Variants in TACR3 observed in about 807,000 individuals in gnomAD.
TACR3 encodes tachykinin receptor 3, also known as neuromedin-K receptor.
Under a neutral mutation model 35.0 loss-of-function variants are expected in TACR3, and 34 were observed. That is an observed-to-expected ratio of 0.97 (90% CI 0.74 to 1.30). TACR3 has a LOEUF of 1.30. TACR3 is among the 50% of genes most tolerant of loss of function. TACR3 has a pLI of 0.00. For missense variants in TACR3, 558 were observed against 591.7 expected (o/e 0.94, Z 0.59); for synonymous variants, 233 against 221.1 (o/e 1.05, Z -0.48).
chr4:103,701,658 G>A (rs1722651323), intron 1 of TACR3, among the ~76,000 whole-genome samples: 1 of 152,098 alleles, frequency 6.6e-6, no homozygotes, highest in Admixed American at 6.5e-5. Context: ...TATACTACAA[G>A]GCTACAGTAA....
chr4:103,710,928 C>A (rs1171199752), intron 1 of TACR3, among the ~76,000 whole-genome samples: 1 of 152,060 alleles, frequency 6.6e-6, no homozygotes, highest in Non-Finnish European at 1.5e-5. Flanking sequence ...TACACCCTCC[C>A]AAGACTAAAC....
intron 3 of TACR3, among the ~76,000 whole-genome samples, chr4:103,648,715 C>A (rs1725513688): frequency 6.6e-6 from 1 of 152,076 alleles, no homozygotes; most frequent in Non-Finnish European, 1.5e-5. Context: ...GCTTCCAAGT[C>A]TTGGCTATTG....
rs754815911 is a variant in TACR3, at chr4:103,658,314, A to G, written c.638T>C (p.Leu213Pro). ...ATAAAGACACTGAGGGAAGGCAAGT[A>G]GAAATGCTAGAATCCAAATACTTCC... ...VIGSIWILAFLLAFPQCLYSK... is the reference protein window; with the variant it reads ...VIGSIWILAFPLAFPQCLYSK... Residue 213 changes from leucine to proline, a missense_variant, in exon 2 of 5, where the codon CTA becomes CCA. Transcript: ENST00000304883. 3.1e-6 allele frequency: 5 copies of G among 1,613,984 alleles called. No homozygotes were observed. The highest frequency in any genetic ancestry group is 3.4e-6 in the Non-Finnish European group (4 of 1,179,966).
At chr4:103,614,637 G>T (rs888570025) in intron 3 of TACR3, among the ~76,000 whole-genome samples, 1 of 152,090 alleles carries the variant, frequency 6.6e-6, no homozygotes, top group Admixed American at 6.5e-5. Flanking sequence ...TGTTCAGAAA[G>T]ATTAAGTAAT....
chr4:103,604,453 G>GC (rs971383309), intron 3 of TACR3, among the ~76,000 whole-genome samples: 1 of 152,030 alleles, frequency 6.6e-6, no homozygotes, highest in African/African-American at 2.4e-5. Context: ...GAAAACCTAG[G>GC]CAACACCATT....
chr4:103,674,123 C>T (rs1255151210), intron 1 of TACR3, among the ~76,000 whole-genome samples: 1 of 152,080 alleles, frequency 6.6e-6, no homozygotes, highest in Non-Finnish European at 1.5e-5. Flanking sequence ...ACATTTTAGC[C>T]TTGAAAAGAG....
chr4:103,614,650 G>T (rs1004344101), intron 3 of TACR3, among the ~76,000 whole-genome samples: 2 of 151,992 alleles, frequency 1.3e-5, no homozygotes, highest in African/African-American at 4.8e-5. Flanking sequence ...TAAGTAATTT[G>T]CCCAAGGACA....
chr4:103,697,651 C>A (rs1367283968), intron 1 of TACR3, among the ~76,000 whole-genome samples: 1 of 151,916 alleles, frequency 6.6e-6, no homozygotes, highest in Non-Finnish European at 1.5e-5. Context: ...GTCTCGATCT[C>A]CTGACCTCGT....
chr4:103,602,657 C>T (rs1578221580), intron 3 of TACR3, among the ~76,000 whole-genome samples: 1 of 152,320 alleles, frequency 6.6e-6, no homozygotes, highest in East Asian at 1.9e-4. Flanking sequence ...AGGTCCACTG[C>T]AGACCCTGTT....
chr4:103,654,184 T>A (rs866074169), intron 3 of TACR3, among the ~76,000 whole-genome samples: 13 of 151,680 alleles, frequency 8.6e-5, no homozygotes, highest in South Asian at 2.1e-4. Context: ...TGACCCAGCC[T>A]TCCCATTACT....
chr4:103,672,784 T>A (rs1306560616), intron 1 of TACR3, among the ~76,000 whole-genome samples: 4 of 152,226 alleles, frequency 2.6e-5, no homozygotes, highest in Non-Finnish European at 5.9e-5. Context: ...TGACTTCTCC[T>A]CTCTAGCTAT....
intron 1 of TACR3, among the ~76,000 whole-genome samples, chr4:103,680,564 A>G (rs1722033039): frequency 6.7e-6 from 1 of 149,802 alleles, no homozygotes; most frequent in Non-Finnish European, 1.5e-5. Context: ...TATATCACTT[A>G]ATATATATAT....
intron 1 of TACR3, among the ~76,000 whole-genome samples, chr4:103,692,645 T>A (rs527423655): frequency 2.0e-5 from 3 of 152,320 alleles, no homozygotes; most frequent in Admixed American, 6.5e-5. Flanking sequence ...ATGTTATGTG[T>A]ACATGTGTTG....
intron 1 of TACR3, among the ~76,000 whole-genome samples, chr4:103,675,314 GA>G (rs936797921): frequency 1.3e-5 from 2 of 152,072 alleles, no homozygotes; most frequent in African/African-American, 4.8e-5. Flanking sequence ...TCACTTTCTA[GA>G]AGATTAACTG....
chr4:103,695,701 G>GTCTC lies in TACR3; in HGVS notation c.548+23423_548+23426dup, dbSNP rs751084237. Among the ~76,000 whole-genome samples, 29 of 144,812 alleles carry GTCTC rather than the reference G, an allele frequency of 2.0e-4. No individual in the cohort carries two copies. The East Asian group carries it at 2.4e-3, about 12-fold the overall frequency. On this transcript the variant is annotated intron_variant, in intron 1 of 4. Coordinates refer to ENST00000304883, the MANE Select transcript of TACR3 (RefSeq NM_001059.3). ...TCAAGGGTCAACAGAATATAGATAT[G>GTCTC]TCTCTCTCTCTGTGTGTGTGTGTGT... is the stretch of plus-strand genomic sequence containing the variant.
At chr4:103,689,621 G>A (rs913268594) in intron 1 of TACR3, among the ~76,000 whole-genome samples, 1 of 151,912 alleles carries the variant, frequency 6.6e-6, no homozygotes, top group Non-Finnish European at 1.5e-5. Flanking sequence ...GAACAATAGA[G>A]ATTTTTCAAT....
intron 1 of TACR3, among the ~76,000 whole-genome samples, chr4:103,709,469 C>T (rs1017508568): frequency 2.6e-5 from 4 of 152,266 alleles, no homozygotes; most frequent in Non-Finnish European, 5.9e-5. Context: ...GAGATTTTGT[C>T]ACCACTAGGC....
intron 1 of TACR3, 70 bp from the exon 2 acceptor site, chr4:103,658,473 G>C (rs967600032): frequency 6.9e-7 from 1 of 1,440,728 alleles, no homozygotes; most frequent in African/African-American, 1.4e-5. Flanking sequence ...AGTTTCAAAG[G>C]TATTTCAAAG....
At chr4:103,670,187 C>A (rs1488035234) in intron 1 of TACR3, among the ~76,000 whole-genome samples, 1 of 152,044 alleles carries the variant, frequency 6.6e-6, no homozygotes, top group Non-Finnish European at 1.5e-5. Flanking sequence ...TTCCATTCGT[C>A]TATGTGTCTG....
Sources: allele counts gnomAD v4.1 joint callset (sites outside exome capture counted in the v4.1 genomes callset), GRCh38; gene constraint gnomAD v4.1.1; transcripts MANE v1.5; gene names NCBI Gene and HGNC (gene_info 2026-07-23, HGNC 2026-07-21).